SPECC1L: variants seen among roughly 807,000 people sequenced by gnomAD.
The protein encoded by SPECC1L is cytospin-A.
Under a neutral mutation model 116.8 loss-of-function variants are expected in SPECC1L, and 40 were observed. The ratio of observed to expected loss-of-function variants is 0.34; its 90% CI spans 0.27 to 0.45. The LOEUF (loss-of-function observed/expected upper bound fraction) is 0.45. Ranked by LOEUF, SPECC1L falls within the 20% of genes least tolerant of loss-of-function variation. The probability of loss-of-function intolerance (pLI) is 1.00; values close to 1 mark genes in which losing one functional copy is unlikely to be tolerated. For synonymous variants in SPECC1L, 504 were observed against 500.6 expected (o/e 1.01, Z -0.09); for missense variants, 1,110 against 1,373.6 (o/e 0.81, Z 3.03).
intron 14 of SPECC1L, among the ~76,000 whole-genome samples, chr22:24,380,676 C>T (rs1447796527): frequency 1.3e-5 from 2 of 152,174 alleles, no homozygotes; most frequent in South Asian, 2.1e-4. Flanking sequence ...ATTTATCATA[C>T]ATTGAAGCTT....
intron 4 of SPECC1L, among the ~76,000 whole-genome samples, chr22:24,319,953 G>GGTGCGGTGGCTCACGCCTGTAA (rs766781541): frequency 9.2e-5 from 14 of 152,208 alleles, no homozygotes; most frequent in Admixed American, 2.6e-4. Flanking sequence ...TTCCTGGCCA[G>GGTGCGGTGGCTCACGCCTGTAA]GTGCGGTGGC....
intron 4 of SPECC1L, among the ~76,000 whole-genome samples, chr22:24,317,593 G>A (rs1211195952): frequency 7.1e-5 from 9 of 126,354 alleles, no homozygotes; most frequent in African/African-American, 2.1e-4. Flanking sequence ...CGGACGGGGC[G>A]GCTGGCCGGG....
At chr22:24,398,597 T>C (rs557200511) in intron 14 of SPECC1L, among the ~76,000 whole-genome samples, 2 of 152,306 alleles carry the variant, frequency 1.3e-5, no homozygotes, top group South Asian at 4.1e-4. Context: ...AAGAGGCCTT[T>C]CTCAGAGAAG....
At chr22:24,360,472 A>G (rs1249729490) in intron 11 of SPECC1L, among the ~76,000 whole-genome samples, 1 of 152,214 alleles carries the variant, frequency 6.6e-6, no homozygotes, top group Non-Finnish European at 1.5e-5. Context: ...TGTCAGATTG[A>G]GGCAGACTTG....
chr22:24,359,500 A>T (rs1368452435), intron 11 of SPECC1L, among the ~76,000 whole-genome samples: 1 of 151,894 alleles, frequency 6.6e-6, no homozygotes, highest in Admixed American at 6.6e-5. Flanking sequence ...TTTTACCTTC[A>T]TATCCATCTG....
chr22:24,322,443 A>C lies in SPECC1L; in HGVS notation c.1463A>C (p.Tyr488Ser). 6.2e-7 allele frequency: 1 copy of C among 1,614,234 alleles called. No homozygotes were observed. Among genetic ancestry groups the C allele is most frequent in the Non-Finnish European group, 8.5e-7 (1 of 1,180,044 alleles). ...VIDEDVKSGRYMELEQRYMDL... is the reference protein window; with the variant it reads ...VIDEDVKSGRSMELEQRYMDL... ...GATGAAGATGTAAAAAGTGGGCGCTATATGGAATTAGAGCAACGTTACATG... is the reference window on the plus strand; with the variant it reads ...GATGAAGATGTAAAAAGTGGGCGCTCTATGGAATTAGAGCAACGTTACATG... The change falls in exon 5 of 17, where the codon TAT (tyrosine) becomes TCT (serine). Residue 488 changes from tyrosine (Y) to serine (S), a missense_variant. By Grantham distance (144) the Tyr-to-Ser change is moderately radical. Transcript: ENST00000314328.
chr22:24,318,496 C>G lies in SPECC1L; in HGVS notation c.308-2792C>G, dbSNP rs1322154439. Reference sequence around the variant, plus strand: ...GTACAGTCCAGCTTCGGCTCGGCATCAGAGGGAGACCGTGGAAAGAGGGGA... The same window carrying G: ...GTACAGTCCAGCTTCGGCTCGGCATGAGAGGGAGACCGTGGAAAGAGGGGA... On this transcript the variant is annotated intron_variant, in intron 4 of 16. Coordinates refer to ENST00000314328, the MANE Select transcript of SPECC1L (RefSeq NM_015330.6). Among the ~76,000 whole-genome samples, 4 of 152,156 alleles carry G rather than the reference C, an allele frequency of 2.6e-5. No homozygotes were observed. In the East Asian group the frequency reaches 7.7e-4, roughly 29 times the overall value.
chr22:24,273,694 A>G (rs1255145784), intron 1 of SPECC1L, among the ~76,000 whole-genome samples: 1 of 152,210 alleles, frequency 6.6e-6, no homozygotes, highest in Non-Finnish European at 1.5e-5. Context: ...CCACTGAGAA[A>G]GCTGTTAAAT....
chr22:24,273,455 G>A (rs908092216), intron 1 of SPECC1L, among the ~76,000 whole-genome samples: 2 of 152,142 alleles, frequency 1.3e-5, no homozygotes, highest in Admixed American at 1.3e-4. Context: ...TGAAATGATG[G>A]TGATAGTAAA....
rs774005861 is a variant in SPECC1L, at chr22:24,321,670, T to C, written c.690T>C (p.Thr230=). ...GTGATGAAAAATCTGAGAAGGAAAC[T>C]ATTATGGCTCACCAGCCGACTGATG... ...SEGDEKSEKE[T]IMAHQPTDVE... The change falls in exon 5 of 17, where the codon ACT becomes ACC. Residue 230 remains threonine (T), a synonymous_variant. Transcript: ENST00000314328. 1 of 1,614,242 alleles carries C rather than the reference T, an allele frequency of 6.2e-7. No individual in the cohort carries two copies. Among genetic ancestry groups the C allele is most frequent in the East Asian group, 2.2e-5 (1 of 44,894 alleles).
At chr22:24,413,284 C>T (rs764378999) in intron 16 of SPECC1L, among the ~76,000 whole-genome samples, 2 of 152,276 alleles carry the variant, frequency 1.3e-5, no homozygotes, top group Middle Eastern at 3.4e-3. Context: ...TCTACCTTGC[C>T]GAGCCCAACT....
At chr22:24,310,452 T>C (rs191844350) in intron 3 of SPECC1L, among the ~76,000 whole-genome samples, 131 of 152,370 alleles carry the variant, frequency 8.6e-4, no homozygotes, top group African/African-American at 3.0e-3. Flanking sequence ...TTCATAAGGC[T>C]TATGTCAAGG....
intron 14 of SPECC1L, among the ~76,000 whole-genome samples, chr22:24,389,155 A>G (rs1024237619): frequency 1.4e-4 from 18 of 129,406 alleles, no homozygotes; most frequent in Non-Finnish European, 2.3e-4. Context: ...CACTCTTGTC[A>G]CCCAGGCTGG....
At chr22:24,328,004 T>C (rs1238695708) in intron 6 of SPECC1L, among the ~76,000 whole-genome samples, 2 of 152,204 alleles carry the variant, frequency 1.3e-5, no homozygotes, top group African/African-American at 4.8e-5. Context: ...CAAAAAGTGA[T>C]TGGTTCCTGA....
intron 8 of SPECC1L, among the ~76,000 whole-genome samples, chr22:24,331,518 G>A (rs1279433783): frequency 1.3e-5 from 2 of 152,134 alleles, no homozygotes; most frequent in Non-Finnish European, 2.9e-5. Context: ...TACTGTTAAA[G>A]TTTCATTCCT....
At chr22:24,272,208 C>T (rs964527601) in intron 1 of SPECC1L, among the ~76,000 whole-genome samples, 1 of 151,982 alleles carries the variant, frequency 6.6e-6, no homozygotes, top group Non-Finnish European at 1.5e-5. Flanking sequence ...TGGTGAAATC[C>T]TGTCTCTACT....
chr22:24,288,683 T>C (rs1263655414), intron 2 of SPECC1L, among the ~76,000 whole-genome samples: 1 of 131,786 alleles, frequency 7.6e-6, no homozygotes, highest in African/African-American at 2.8e-5. Flanking sequence ...TGGAGTGCAA[T>C]GGCGTGATCT....
intron 2 of SPECC1L, among the ~76,000 whole-genome samples, chr22:24,280,810 C>T (rs2048928221): frequency 1.3e-5 from 2 of 152,270 alleles, no homozygotes; most frequent in African/African-American, 4.8e-5. Context: ...AACTCCTGAA[C>T]TTCTGGGCTC....
intron 6 of SPECC1L, among the ~76,000 whole-genome samples, chr22:24,327,377 G>A (rs2040850385): frequency 6.6e-6 from 1 of 151,676 alleles, no homozygotes. Context: ...AGGTTCTAGT[G>A]GAACAGGGGT....
Sources: allele counts gnomAD v4.1 joint callset (sites outside exome capture counted in the v4.1 genomes callset), GRCh38; gene constraint gnomAD v4.1.1; transcripts MANE v1.5; gene names NCBI Gene and HGNC (gene_info 2026-07-23, HGNC 2026-07-21).